CSMD1: variants seen among roughly 807,000 people sequenced by gnomAD.
CSMD1 encodes the protein CUB and Sushi multiple domains 1.
A neutral mutation model predicts 417.5 loss-of-function variants in CSMD1; 213 were observed. The observed-to-expected ratio is 0.51, with a 90% confidence interval of 0.46 to 0.57. CSMD1 has a LOEUF of 0.57. Among genes scored for constraint, CSMD1 ranks in the 20% least tolerant of loss-of-function variants. The probability of loss-of-function intolerance (pLI) is 0.00; values close to 1 mark genes in which losing one functional copy is unlikely to be tolerated. For missense variants in CSMD1, 6,923 were observed against 4,529.7 expected (o/e 1.53, Z -15.17); for synonymous variants, 2,862 against 1,736.8 (o/e 1.65, Z -16.11).
At chr8:4,408,346 C>G (rs1796453828) in intron 3 of CSMD1, among the ~76,000 whole-genome samples, 1 of 152,164 alleles carries the variant, frequency 6.6e-6, no homozygotes, top group Admixed American at 6.5e-5. Flanking sequence ...GGGAAGCTGT[C>G]TGGAAAGGGC....
In CSMD1 at chr8:4,455,929, C is replaced by CAAAAAAAAAAAAAAAAA; in HGVS notation, c.303-35881_303-35865dup. 2.0e-3 allele frequency among the ~76,000 whole-genome samples: 23 copies of CAAAAAAAAAAAAAAAAA among 11,648 alleles called. 2 individuals are homozygous for CAAAAAAAAAAAAAAAAA. The highest frequency in any genetic ancestry group is 3.3e-3 in the Non-Finnish European group (16 of 4,814). The allele number at this position is 11,648 out of a possible 152,430, so 7.6% of individuals were successfully genotyped here. On this transcript the variant is annotated intron_variant, in intron 2 of 69. Coordinates refer to ENST00000635120, the MANE Select transcript of CSMD1 (RefSeq NM_033225.6). ...GGGTGACAAAGTGAGACTCCAACTC[C>CAAAAAAAAAAAAAAAAA]AAAAAAAAAAAAAAAAAAAAAAAAA...
chr8:4,069,293 T>G (rs546717744), intron 3 of CSMD1, among the ~76,000 whole-genome samples: 31 of 152,306 alleles, frequency 2.0e-4, no homozygotes, highest in African/African-American at 7.5e-4. Context: ...AGGTCATTAT[T>G]TTTTGACCAT....
At chr8:3,998,179 A>G (rs1815371380) in intron 4 of CSMD1, 69 bp from the exon 5 acceptor site, 2 of 1,350,956 alleles carry the variant, frequency 1.5e-6, no homozygotes, top group Non-Finnish European at 1.0e-6. Context: ...TGTGTCCACC[A>G]AGTGTCACTC....
chr8:4,283,730 AG>A (rs1796912259), intron 3 of CSMD1, among the ~76,000 whole-genome samples: 1 of 152,156 alleles, frequency 6.6e-6, no homozygotes, highest in Non-Finnish European at 1.5e-5. Flanking sequence ...TAACTCCTCA[AG>A]GAATGCATGA....
chr8:4,938,944 T>G (rs1445207628), intron 1 of CSMD1, among the ~76,000 whole-genome samples: 1 of 142,612 alleles, frequency 7.0e-6, no homozygotes, highest in African/African-American at 2.6e-5. Flanking sequence ...GTGTCTTCTT[T>G]GGAGAAATGT....
At chr8:4,787,725 A>G (rs978942123) in intron 1 of CSMD1, 1 of 1,590,280 alleles carries the variant, frequency 6.3e-7, no homozygotes, top group African/African-American at 1.3e-5. Context: ...ATAATGACCC[A>G]CAGTGGTCTG....
rs115248516 is a variant in CSMD1 at position 4,931,717 on chromosome 8, C to T, written c.85+62615G>A. 6.9e-3 allele frequency among the ~76,000 whole-genome samples: 1,050 copies of T among 152,306 alleles called. 9 individuals carry two copies. The highest frequency in any genetic ancestry group is 0.024 in the African/African-American group (1,018 of 41,558). ...AACTAACCAGGATTGAATTATTGAGCTGTTCCCAGTACCATCTCCTCACAT... is the reference window on the plus strand; with the variant it reads ...AACTAACCAGGATTGAATTATTGAGTTGTTCCCAGTACCATCTCCTCACAT... On this transcript the variant is annotated intron_variant, in intron 1 of 69. Transcript: ENST00000635120.
At chr8:3,798,939 T>G (rs75081373) in intron 5 of CSMD1, among the ~76,000 whole-genome samples, 2 of 152,044 alleles carry the variant, frequency 1.3e-5, no homozygotes, top group Non-Finnish European at 2.9e-5. Flanking sequence ...ATATCATATA[T>G]ATAAAAACTC....
chr8:4,647,908 T>TAATATAATATAATATAGTAGTATAG (rs1803640161), intron 1 of CSMD1, among the ~76,000 whole-genome samples: 1 of 152,234 alleles, frequency 6.6e-6, no homozygotes, highest in African/African-American at 2.4e-5. Flanking sequence ...GTAGAACGAT[T>TAATATAATATAATATAGTAGTATAG]TATATTCCTT....
chr8:3,404,214 G>C (rs1812212678), intron 15 of CSMD1, among the ~76,000 whole-genome samples: 2 of 152,012 alleles, frequency 1.3e-5, no homozygotes, highest in Non-Finnish European at 2.9e-5. Flanking sequence ...GGTGTCTGTA[G>C]TCCCAGTTAC....
At chr8:4,170,714 A>G (rs561742180) in intron 3 of CSMD1, among the ~76,000 whole-genome samples, 1 of 151,746 alleles carries the variant, frequency 6.6e-6, no homozygotes, top group Admixed American at 6.6e-5. Flanking sequence ...TATAGCTAGC[A>G]TGTGGATTTT....
At chr8:3,599,352 G>C (rs1425904505) in intron 8 of CSMD1, among the ~76,000 whole-genome samples, 1 of 152,008 alleles carries the variant, frequency 6.6e-6, no homozygotes, top group African/African-American at 2.4e-5. Context: ...GATGCAACAC[G>C]GCATTATTAA....
intron 2 of CSMD1, among the ~76,000 whole-genome samples, chr8:4,489,933 T>G (rs566166901): frequency 1.3e-5 from 2 of 152,236 alleles, no homozygotes; most frequent in Non-Finnish European, 2.9e-5. Context: ...TTTAAGCCAC[T>G]ATGTCTGTGA....
rs111922438 is a variant in CSMD1, at chr8:3,321,115, C to T, written c.3632-12612G>A. On this transcript the variant is annotated intron_variant, in intron 23 of 69. Coordinates refer to ENST00000635120, the MANE Select transcript of CSMD1 (RefSeq NM_033225.6). Reference sequence around the variant, plus strand: ...CCACTGCTCCTGTCAACCTAGCCACCGAAGGCGTGCAAAGCCCCCTGCACC... The same window carrying T: ...CCACTGCTCCTGTCAACCTAGCCACTGAAGGCGTGCAAAGCCCCCTGCACC... 2.7e-3 allele frequency among the ~76,000 whole-genome samples: 418 copies of T among 152,222 alleles called. 1 individual carries two copies. Among genetic ancestry groups the T allele is most frequent in the African/African-American group, 9.6e-3 (397 of 41,546 alleles).
chr8:4,650,496 A>C (rs1286902870), intron 1 of CSMD1, among the ~76,000 whole-genome samples: 1 of 152,182 alleles, frequency 6.6e-6, no homozygotes, highest in Non-Finnish European at 1.5e-5. Context: ...GCAAGAAATC[A>C]AAGCCCTGGC....
At chr8:3,703,354 C>G (rs763613820) in intron 7 of CSMD1, among the ~76,000 whole-genome samples, 4 of 152,130 alleles carry the variant, frequency 2.6e-5, no homozygotes, top group Non-Finnish European at 5.9e-5. Context: ...GCAAAATTCA[C>G]AAAAGACTCA....
intron 5 of CSMD1, among the ~76,000 whole-genome samples, chr8:3,890,083 A>G (rs1357015720): frequency 6.6e-6 from 1 of 152,116 alleles, no homozygotes; most frequent in Non-Finnish European, 1.5e-5. Flanking sequence ...GTGTGTTTTT[A>G]TTTTAGGACA....
chr8:3,863,545 C>T (rs575193406), intron 5 of CSMD1, among the ~76,000 whole-genome samples: 8 of 152,110 alleles, frequency 5.3e-5, no homozygotes, highest in Non-Finnish European at 1.2e-4. Flanking sequence ...AGGACACCAA[C>T]ATTCAGACCA....
rs148211059 is a variant in CSMD1, at chr8:4,965,017, C to G, written c.85+29315G>C. Among the ~76,000 whole-genome samples, 810 of 152,244 alleles carry G rather than the reference C, an allele frequency of 5.3e-3. 8 individuals are homozygous for G. The highest frequency in any genetic ancestry group is 8.9e-3 in the Non-Finnish European group (605 of 68,020). On this transcript the variant is annotated intron_variant, in intron 1 of 69. Coordinates refer to ENST00000635120, the MANE Select transcript of CSMD1 (RefSeq NM_033225.6). Reference sequence around the variant, plus strand: ...TCTTCACTTCAAAAACTGTCCTCCACAATATGCACGTTGCTTTACTTTAAA... The same window carrying G: ...TCTTCACTTCAAAAACTGTCCTCCAGAATATGCACGTTGCTTTACTTTAAA...
Sources: allele counts gnomAD v4.1 joint callset (sites outside exome capture counted in the v4.1 genomes callset), GRCh38; gene constraint gnomAD v4.1.1; transcripts MANE v1.5; gene names NCBI Gene and HGNC (gene_info 2026-07-23, HGNC 2026-07-21).